The following HECW2 variants were observed in gnomAD, a reference collection of about 807,000 sequenced individuals.
The protein encoded by HECW2 is HECT, C2 and WW domain containing E3 ubiquitin protein ligase 2.
A neutral mutation model predicts 175.2 loss-of-function variants in HECW2; 61 were observed. The ratio of observed to expected loss-of-function variants is 0.35; its 90% CI spans 0.28 to 0.43. The LOEUF (loss-of-function observed/expected upper bound fraction) is 0.43, where lower values mean the gene tolerates loss of function less well. Among genes scored for constraint, HECW2 ranks in the 20% least tolerant of loss-of-function variants. HECW2 has a pLI of 1.00. For missense variants in HECW2, 1,524 were observed against 2,000.5 expected (o/e 0.76, Z 4.54); for synonymous variants, 671 against 731.0 (o/e 0.92, Z 1.32).
intron 17 of HECW2, among the ~76,000 whole-genome samples, chr2:196,261,768 A>T (rs933513957): frequency 8.5e-5 from 13 of 152,378 alleles, no homozygotes; most frequent in African/African-American, 2.9e-4. Flanking sequence ...AGCTGTAAGC[A>T]TAAGAGGTTT....
At chr2:196,348,218 T>C (rs1272862375) in intron 2 of HECW2, among the ~76,000 whole-genome samples, 1 of 152,280 alleles carries the variant, frequency 6.6e-6, no homozygotes, top group Non-Finnish European at 1.5e-5. Flanking sequence ...CTCAGCTCTA[T>C]TGTTCATGGA....
chr2:196,225,097 G>C (rs943224835), intron 23 of HECW2, among the ~76,000 whole-genome samples: 2 of 152,206 alleles, frequency 1.3e-5, no homozygotes, highest in African/African-American at 2.4e-5. Context: ...CCCACAGACA[G>C]TTGTCTTCTG....
At chr2:196,438,715 T>C (rs1027676428) in intron 1 of HECW2, among the ~76,000 whole-genome samples, 1 of 152,262 alleles carries the variant, frequency 6.6e-6, no homozygotes, top group African/African-American at 2.4e-5. Flanking sequence ...AAGATGCTTT[T>C]TGAGCCAAAT....
intron 28 of HECW2, among the ~76,000 whole-genome samples, chr2:196,202,590 A>G (rs570080056): frequency 6.6e-6 from 1 of 152,338 alleles, no homozygotes; most frequent in Non-Finnish European, 1.5e-5. Context: ...ACCAATTAAT[A>G]ATAGAGGTAT....
intron 2 of HECW2, among the ~76,000 whole-genome samples, chr2:196,355,459 T>C (rs1308122117): frequency 6.6e-6 from 1 of 152,214 alleles, no homozygotes; most frequent in Non-Finnish European, 1.5e-5. Context: ...GCCTCAATCC[T>C]ATCCCCTGTA....
intron 5 of HECW2, among the ~76,000 whole-genome samples, chr2:196,326,220 C>T (rs887922020): frequency 1.2e-4 from 18 of 152,092 alleles, no homozygotes; most frequent in African/African-American, 3.1e-4. Flanking sequence ...TAAGCCCATT[C>T]CTGAAATACA....
At chr2:196,277,133 C>CAT in intron 15 of HECW2, among the ~76,000 whole-genome samples, 1 of 152,276 alleles carries the variant, frequency 6.6e-6, no homozygotes, top group Admixed American at 6.5e-5. Flanking sequence ...TGACTTAAGA[C>CAT]ATTTCTTTTA....
At chr2:196,239,886 A>G (rs1229677717) in intron 21 of HECW2, 1 of 152,246 alleles carries the variant, frequency 6.6e-6, no homozygotes, top group Non-Finnish European at 1.5e-5. Flanking sequence ...AAGGCGGGAC[A>G]TGTTTGTTTA....
At position 196,283,062 on chromosome 2, in the gene HECW2, C is replaced by T. The variant is rs1440456737; in HGVS notation, c.3001-4400G>A. On this transcript the variant is annotated intron_variant, in intron 14 of 28. Coordinates refer to ENST00000644978, the MANE Select transcript of HECW2 (RefSeq NM_001348768.2). ...GATCATGAGGTCAGGAGAGGGAGAC[C>T]GTCCTGGCTAACATGATGAAACCTC... 2.0e-5 allele frequency among the ~76,000 whole-genome samples: 3 copies of T among 151,782 alleles called. No individual in the cohort carries two copies. In the South Asian group the frequency reaches 6.2e-4, roughly 32 times the overall value.
intron 15 of HECW2, among the ~76,000 whole-genome samples, chr2:196,277,404 A>G (rs1689998731): frequency 6.6e-6 from 1 of 152,246 alleles, no homozygotes; most frequent in Non-Finnish European, 1.5e-5. Context: ...AATGTAATAT[A>G]GAAAACTTCA....
intron 19 of HECW2, among the ~76,000 whole-genome samples, chr2:196,247,793 G>A (rs1688703555): frequency 6.6e-6 from 1 of 152,248 alleles, no homozygotes; most frequent in Middle Eastern, 3.4e-3. Context: ...TTGATTCTGG[G>A]TGTGTGACCC....
chr2:196,308,007 G>A lies in HECW2; in HGVS notation c.2513C>T (p.Pro838Leu). 5 of 1,604,988 alleles carry A rather than the reference G, an allele frequency of 3.1e-6. No individual in the cohort carries two copies. The highest frequency in any genetic ancestry group is 4.3e-6 in the Non-Finnish European group (5 of 1,173,274). The change falls in exon 11 of 29, where the codon CCG becomes CTG. Residue 838 changes from proline to leucine, a missense_variant. Around this residue, in one of 11 missense-constraint regions of HECW2, gnomAD observed 82 missense variants for 124.4 expected, o/e 0.66. Coordinates refer to ENST00000644978, the MANE Select transcript of HECW2 (RefSeq NM_001348768.2). Reference protein sequence around the residue: ...HVNRTTTWQRPTAPPAPQVLQ... With the variant: ...HVNRTTTWQRLTAPPAPQVLQ... ...CACCTGCGGGGCTGGGGGAGCTGTC[G>A]GTCGCTGCCACGTCGTGGTTCTGTT...
At chr2:196,527,098 G>C (rs1290862449) in intron 1 of HECW2, among the ~76,000 whole-genome samples, 1 of 152,222 alleles carries the variant, frequency 6.6e-6, no homozygotes, top group Admixed American at 6.5e-5. Flanking sequence ...CTTGCAGTTT[G>C]ATCTCAGACT....
chr2:196,237,233 T>G (rs533032598), intron 21 of HECW2, among the ~76,000 whole-genome samples: 1 of 152,210 alleles, frequency 6.6e-6, no homozygotes, highest in Admixed American at 6.5e-5. Flanking sequence ...GAACAGGTGG[T>G]GTTTGGTTAT....
At chr2:196,245,819 G>C (rs1688623761) in intron 19 of HECW2, among the ~76,000 whole-genome samples, 1 of 152,190 alleles carries the variant, frequency 6.6e-6, no homozygotes, top group Admixed American at 6.5e-5. Flanking sequence ...GGAAGCAGAA[G>C]AGACTCCTAG....
chr2:196,366,674 T>C (rs939089818), intron 2 of HECW2, among the ~76,000 whole-genome samples: 1 of 152,224 alleles, frequency 6.6e-6, no homozygotes, highest in Non-Finnish European at 1.5e-5. Flanking sequence ...GAGAATTTCA[T>C]ATTAACATCA....
At chr2:196,452,931 A>C (rs773032516) in intron 1 of HECW2, among the ~76,000 whole-genome samples, 1 of 152,190 alleles carries the variant, frequency 6.6e-6, no homozygotes, top group South Asian at 2.1e-4. Flanking sequence ...AATACAAAAA[A>C]TGAGACTAAA....
intron 2 of HECW2, among the ~76,000 whole-genome samples, chr2:196,365,428 TA>T (rs1693717202): frequency 6.6e-6 from 1 of 152,216 alleles, no homozygotes; most frequent in Non-Finnish European, 1.5e-5. Flanking sequence ...TGACATCACT[TA>T]TATACATTAT....
At chr2:196,398,212 C>G (rs1694724904) in intron 2 of HECW2, among the ~76,000 whole-genome samples, 1 of 151,974 alleles carries the variant, frequency 6.6e-6, no homozygotes, top group Non-Finnish European at 1.5e-5. Context: ...ATAATCTTAG[C>G]TAAATGGGAA....
Sources: gnomAD v4.1 joint callset for allele counts (sites outside exome capture counted in the v4.1 genomes callset) on GRCh38, gnomAD v4.1.1 for gene constraint, gnomAD v4.1.1 regional missense constraint, MANE v1.5 for transcripts, NCBI Gene and HGNC (gene_info 2026-07-23, HGNC 2026-07-21) for gene names.